Variants in ITGB3BP observed in about 807,000 individuals in gnomAD.
The protein encoded by ITGB3BP is integrin subunit beta 3 binding protein.
ITGB3BP carries 27 observed loss-of-function variants against 29.1 expected under a neutral mutation model. The observed-to-expected ratio is 0.93, with a 90% confidence interval of 0.68 to 1.28. ITGB3BP has a LOEUF of 1.28. ITGB3BP is among the 50% of genes most tolerant of loss of function. The probability of loss-of-function intolerance (pLI) is 0.00; values close to 1 mark genes in which losing one functional copy is unlikely to be tolerated. For synonymous variants in ITGB3BP, 61 were observed against 61.4 expected (o/e 0.99, Z 0.03); for missense variants, 192 against 200.2 (o/e 0.96, Z 0.25).
At position 63,467,936 on chromosome 1, in the gene ITGB3BP, G is replaced by T. The variant is rs186491408; in HGVS notation, c.254+10828C>A. Among the ~76,000 whole-genome samples, 6 of 152,254 alleles carry T rather than the reference G, an allele frequency of 3.9e-5. No individual in the cohort carries two copies. The East Asian group carries it at 1.2e-3, about 29-fold the overall frequency. On this transcript the variant is annotated intron_variant, in intron 4 of 8. Transcript: ENST00000271002. Reference sequence around the variant, plus strand: ...ACATATTTATCTTTTAAGACAAAAAGGGGGCACTTATTGGAGGGATACTAG... The same window carrying T: ...ACATATTTATCTTTTAAGACAAAAATGGGGCACTTATTGGAGGGATACTAG...
chr1:63,462,213 C>A, intron 4 of ITGB3BP, among the ~76,000 whole-genome samples: 1 of 152,014 alleles, frequency 6.6e-6, no homozygotes, highest in East Asian at 1.9e-4. Flanking sequence ...TAAATTTATT[C>A]CTGTGTATTT....
chr1:63,511,093 G>A (rs923094696), intron 1 of ITGB3BP, among the ~76,000 whole-genome samples: 1 of 151,984 alleles, frequency 6.6e-6, no homozygotes, highest in Non-Finnish European at 1.5e-5. Flanking sequence ...TTAAAAAAGT[G>A]GGCACACAAA....
intron 7 of ITGB3BP, among the ~76,000 whole-genome samples, chr1:63,448,247 T>G (rs1644815112): frequency 1.4e-5 from 2 of 147,196 alleles, no homozygotes; most frequent in Admixed American, 6.8e-5. Flanking sequence ...AGTTAATGGG[T>G]GCAGCACACC....
chr1:63,507,623 A>G (rs972994410), intron 2 of ITGB3BP, among the ~76,000 whole-genome samples: 1 of 152,228 alleles, frequency 6.6e-6, no homozygotes, highest in Non-Finnish European at 1.5e-5. Flanking sequence ...CTAAATTGCT[A>G]ATTATACTGT....
intron 2 of ITGB3BP, among the ~76,000 whole-genome samples, chr1:63,500,478 C>T (rs1017114631): frequency 1.3e-5 from 2 of 152,088 alleles, no homozygotes; most frequent in African/African-American, 4.8e-5. Flanking sequence ...AGTTGTATTT[C>T]TATACATTAG....
chr1:63,509,480 A>C (rs1277410323), intron 1 of ITGB3BP, among the ~76,000 whole-genome samples: 1 of 152,234 alleles, frequency 6.6e-6, no homozygotes, highest in Non-Finnish European at 1.5e-5. Flanking sequence ...GTACTATGTT[A>C]TATTACAGAA....
intron 4 of ITGB3BP, among the ~76,000 whole-genome samples, chr1:63,467,349 GT>G (rs1049734501): frequency 4.0e-5 from 6 of 148,214 alleles, no homozygotes; most frequent in Admixed American, 2.0e-4. Context: ...ATTTTCTAGG[GT>G]TTTTTTTTTC....
intron 2 of ITGB3BP, among the ~76,000 whole-genome samples, chr1:63,498,351 T>C (rs542230534): frequency 6.6e-6 from 1 of 152,214 alleles, no homozygotes; most frequent in South Asian, 2.1e-4. Context: ...AATAATACAA[T>C]GTTCTCATAA....
At chr1:63,512,554 TG>T (rs945405023) in intron 1 of ITGB3BP, among the ~76,000 whole-genome samples, 2 of 152,048 alleles carry the variant, frequency 1.3e-5, no homozygotes, top group African/African-American at 4.8e-5. Flanking sequence ...AGGGGAAGAA[TG>T]GGGGGTAAAG....
At chr1:63,450,192 T>C (rs1644842974) in intron 7 of ITGB3BP, among the ~76,000 whole-genome samples, 1 of 151,936 alleles carries the variant, frequency 6.6e-6, no homozygotes, top group Non-Finnish European at 1.5e-5. Flanking sequence ...TCTGAAATAT[T>C]TTCTATTACA....
chr1:63,446,807 TCA>T lies in ITGB3BP; in HGVS notation c.532_533del (p.Ter178ArgfsTer3). 6.3e-7 allele frequency: 1 copy of T among 1,599,388 alleles called. No individual in the cohort carries two copies. The highest frequency in any genetic ancestry group is 8.6e-7 in the Non-Finnish European group (1 of 1,166,946). ...TAAATTAGAAAGGTGAAACAGTACC[TCA>T]GTTTAAAATGGCTTTAAGGAATTCA... ...SYEFLKAILN* is the reference protein window; with the variant it reads ...SYEFLKAILNX On this transcript the variant is annotated frameshift_variant and stop_lost and splice_region_variant, in exon 8 of 9. Coordinates refer to ENST00000271002, the MANE Select transcript of ITGB3BP (RefSeq NM_014288.5). LOFTEE classifies it high-confidence loss of function.
chr1:63,445,042 T>TG (rs1264401766), intron 8 of ITGB3BP, among the ~76,000 whole-genome samples: 4 of 152,252 alleles, frequency 2.6e-5, no homozygotes, highest in African/African-American at 7.2e-5. Context: ...TGCAGCACTT[T>TG]GGGAGGCCGA....
intron 3 of ITGB3BP, among the ~76,000 whole-genome samples, chr1:63,489,433 G>A (rs1191874972): frequency 6.7e-6 from 1 of 148,608 alleles, no homozygotes; most frequent in African/African-American, 2.5e-5. Flanking sequence ...CCACGGAATC[G>A]AGATTTGTGT....
At chr1:63,458,382 A>T (rs1340910133) in intron 4 of ITGB3BP, 1 of 152,130 alleles carries the variant, frequency 6.6e-6, no homozygotes, top group African/African-American at 2.4e-5. Context: ...AACTAAAAGA[A>T]CAAAGAGAAA....
Position 63,475,642 on chromosome 1 carries a change from A to G in ITGB3BP, c.254+3122T>C, listed in dbSNP as rs149967520. 2.0e-5 allele frequency among the ~76,000 whole-genome samples: 3 copies of G among 152,322 alleles called. No individual in the cohort carries two copies. In the East Asian group the frequency reaches 5.8e-4, roughly 29 times the overall value. On this transcript the variant is annotated intron_variant, in intron 4 of 8. Transcript: ENST00000271002. ...CAAATGGAATAAAGAACCTATTACTAAAGATAAAAATGGCTTTATTAGCTA... is the reference window on the plus strand; with the variant it reads ...CAAATGGAATAAAGAACCTATTACTGAAGATAAAAATGGCTTTATTAGCTA...
At chr1:63,490,276 A>T in intron 2 of ITGB3BP, 58 bp from the exon 3 acceptor site, 1 of 1,236,816 alleles carries the variant, frequency 8.1e-7, no homozygotes, top group Non-Finnish European at 1.1e-6. Flanking sequence ...AGATCTTTGA[A>T]ATTATATACC....
chr1:63,466,133 G>A (rs1458510508), intron 4 of ITGB3BP, among the ~76,000 whole-genome samples: 2 of 152,072 alleles, frequency 1.3e-5, no homozygotes, highest in Admixed American at 6.5e-5. Context: ...ACTATCCATC[G>A]CCTTCCATGG....
intron 4 of ITGB3BP, among the ~76,000 whole-genome samples, chr1:63,458,594 G>A (rs1644968278): frequency 6.6e-6 from 1 of 152,078 alleles, no homozygotes; most frequent in South Asian, 2.1e-4. Context: ...TGTGGATATA[G>A]TGGAAGAAGA....
chr1:63,492,401 A>C (rs1427049516), intron 2 of ITGB3BP, among the ~76,000 whole-genome samples: 1 of 152,126 alleles, frequency 6.6e-6, no homozygotes, highest in Non-Finnish European at 1.5e-5. Flanking sequence ...ACTTTTGTTT[A>C]TCTTCCCTAC....
Sources: allele counts gnomAD v4.1 joint callset (sites outside exome capture counted in the v4.1 genomes callset), GRCh38; gene constraint gnomAD v4.1.1; transcripts MANE v1.5; gene names NCBI Gene and HGNC (gene_info 2026-07-23, HGNC 2026-07-21).